Variants in UNC13C observed in about 807,000 individuals in gnomAD.
UNC13C encodes the protein protein unc-13 homolog C.
In UNC13C, 174 loss-of-function variants were observed where a neutral mutation model predicts 245.4. The observed-to-expected ratio is 0.71, with a 90% confidence interval of 0.63 to 0.80. UNC13C has a LOEUF of 0.80. UNC13C is among the 30% of genes least tolerant of loss of function. The pLI is 0.00. For synonymous variants in UNC13C, 992 were observed against 895.1 expected, an observed-to-expected ratio of 1.11 and a Z score of -1.93; for missense variants, 2,829 against 2,602.9, an observed-to-expected ratio of 1.09 and a Z score of -1.89.
At position 54,338,410 on chromosome 15, in the gene UNC13C, G is replaced by C; in HGVS notation, c.4634G>C (p.Cys1545Ser). The change falls in exon 17 of 33, where the codon TGT (cysteine) becomes TCT (serine). Residue 1545 changes from cysteine to serine, a missense_variant. By Grantham distance (112) the Cys-to-Ser change is moderately radical. Coordinates refer to ENST00000260323, the MANE Select transcript of UNC13C (RefSeq NM_001080534.3). Reference protein sequence around the residue: ...PPKASMVVKDCVRACLDSTYK... With the variant: ...PPKASMVVKDSVRACLDSTYK... ...AAAGCGAGCATGGTGGTGAAGGACT[G>C]TGTAAGGGCTTGCCTGGATTCTACA... The C allele has an allele frequency of 3.1e-6, 5 of 1,613,862 alleles. No homozygotes were observed. The highest frequency in any genetic ancestry group is 4.2e-6 in the Non-Finnish European group (5 of 1,179,810).
At chr15:54,336,126 T>TTTC (rs2038568257) in intron 16 of UNC13C, among the ~76,000 whole-genome samples, 1 of 152,120 alleles carries the variant, frequency 6.6e-6, no homozygotes, top group Non-Finnish European at 1.5e-5. Flanking sequence ...ATTAGCTGGT[T>TTTC]TTCTTACTGT....
intron 8 of UNC13C, among the ~76,000 whole-genome samples, chr15:54,261,522 GTTTGTTTTGTTTTGTTTTGT>G (rs10582681): frequency 2.0e-5 from 3 of 150,566 alleles, no homozygotes; most frequent in African/African-American, 4.9e-5. Context: ...ATTTTTGTTT[GTTTGTTTTGTTTTGTTTTGT>G]TTTGTTTTGT....
At chr15:54,156,659 G>A (rs1050670657) in intron 4 of UNC13C, among the ~76,000 whole-genome samples, 14 of 152,014 alleles carry the variant, frequency 9.2e-5, no homozygotes, top group Admixed American at 4.6e-4. Context: ...CTAGAGCTGA[G>A]ACTCAGATTT....
At chr15:54,332,912 T>G (rs955701367) in intron 15 of UNC13C, among the ~76,000 whole-genome samples, 1 of 152,006 alleles carries the variant, frequency 6.6e-6, no homozygotes, top group Admixed American at 6.6e-5. Flanking sequence ...ATACCAAATT[T>G]AATTTGGTAT....
chr15:54,073,360 A>G (rs982705976), intron 2 of UNC13C, among the ~76,000 whole-genome samples: 2 of 152,262 alleles, frequency 1.3e-5, no homozygotes, highest in East Asian at 1.9e-4. Flanking sequence ...ATGTGTCTTT[A>G]TAGTTGAATG....
At chr15:54,239,892 T>A (rs1221452971) in intron 7 of UNC13C, among the ~76,000 whole-genome samples, 1 of 152,266 alleles carries the variant, frequency 6.6e-6, no homozygotes, top group Non-Finnish European at 1.5e-5. Flanking sequence ...AGTCTTCTTT[T>A]GAGTAAATAA....
At chr15:54,208,232 T>A (rs1477921055) in intron 4 of UNC13C, among the ~76,000 whole-genome samples, 2 of 152,044 alleles carry the variant, frequency 1.3e-5, no homozygotes, top group African/African-American at 4.8e-5. Context: ...ACCAAGGGGA[T>A]GGTGCATTCA....
At chr15:54,161,912 C>T (rs1002563077) in intron 4 of UNC13C, among the ~76,000 whole-genome samples, 8 of 151,932 alleles carry the variant, frequency 5.3e-5, no homozygotes, top group Non-Finnish European at 8.8e-5. Flanking sequence ...TGCGCCACTG[C>T]ACCCCAGTCT....
intron 20 of UNC13C, among the ~76,000 whole-genome samples, chr15:54,496,105 G>A (rs1489705664): frequency 6.6e-6 from 1 of 151,958 alleles, no homozygotes; most frequent in Non-Finnish European, 1.5e-5. Flanking sequence ...GTGAAGTAAT[G>A]CATTTGTTAA....
intron 4 of UNC13C, among the ~76,000 whole-genome samples, chr15:54,223,406 A>G (rs10851561): frequency 0.047 from 7,092 of 152,066 alleles, 323 homozygotes; most frequent in East Asian, 0.23. Flanking sequence ...CACTGTTGAT[A>G]TATGGATTTG....
At chr15:53,942,084 A>G in the UNC13C span, among the ~76,000 whole-genome samples, 5 of 152,340 alleles carry the variant, frequency 3.3e-5, no homozygotes, top group East Asian at 5.8e-4. Context: ...AAATTATTCT[A>G]TTATAAAGAT....
At chr15:54,568,441 A>G (rs1897610605) in intron 30 of UNC13C, among the ~76,000 whole-genome samples, 1 of 152,190 alleles carries the variant, frequency 6.6e-6, no homozygotes, top group African/African-American at 2.4e-5. Flanking sequence ...TCTTTGAAAC[A>G]GGCCAAGAGG....
At chr15:54,006,063 C>T (rs1423820969) in intron 1 of UNC13C, among the ~76,000 whole-genome samples, 2 of 152,168 alleles carry the variant, frequency 1.3e-5, no homozygotes, top group Non-Finnish European at 2.9e-5. Flanking sequence ...TGGGCAACTA[C>T]TTCAGCATCT....
intron 4 of UNC13C, among the ~76,000 whole-genome samples, chr15:54,220,608 T>TA (rs71132788): frequency 6.6e-6 from 1 of 151,030 alleles, no homozygotes; most frequent in Non-Finnish European, 1.5e-5. Context: ...ATAATAAAAA[T>TA]AAAAAAAATT....
chr15:54,024,027 G>A (rs928879944), intron 2 of UNC13C, among the ~76,000 whole-genome samples: 5 of 152,158 alleles, frequency 3.3e-5, no homozygotes, highest in African/African-American at 1.2e-4. Context: ...TCTGAACTCT[G>A]GTGTAAGATA....
rs374413387 is a variant in UNC13C at position 54,014,690 on chromosome 15, C to A, written c.1787C>A (p.Thr596Asn). The A allele has an allele frequency of 5.0e-5, 80 of 1,613,620 alleles. No individual in the cohort carries two copies. Among genetic ancestry groups the A allele is most frequent in the Non-Finnish European group, 6.8e-5 (80 of 1,179,842 alleles). The change falls in exon 2 of 33, where the codon ACC becomes AAC. Residue 596 changes from threonine to asparagine, a missense_variant. Coordinates refer to ENST00000260323, the MANE Select transcript of UNC13C (RefSeq NM_001080534.3). ...LWQRKQEGTA[T>N]LYDSPKDQHL... ...CAGAGGAAACAGGAAGGAACAGCGA[C>A]CCTGTATGACAGTCCCAAGGACCAG...
At chr15:54,022,484 T>A (rs1192376368) in intron 2 of UNC13C, among the ~76,000 whole-genome samples, 1 of 152,114 alleles carries the variant, frequency 6.6e-6, no homozygotes, top group Non-Finnish European at 1.5e-5. Context: ...TCTTTGTGGT[T>A]TTAATTTGCA....
chr15:54,566,369 G>C (rs1368877667), intron 29 of UNC13C, among the ~76,000 whole-genome samples: 1 of 152,054 alleles, frequency 6.6e-6, no homozygotes, highest in African/African-American at 2.4e-5. Context: ...TTCTTCATGT[G>C]AAAATGTTTT....
At chr15:54,130,216 T>C (rs1200569710) in intron 2 of UNC13C, among the ~76,000 whole-genome samples, 1 of 151,946 alleles carries the variant, frequency 6.6e-6, no homozygotes, top group Admixed American at 6.5e-5. Context: ...ATTGTTGATT[T>C]CTTATTTGAT....
Sources: gnomAD v4.1 joint callset for allele counts (sites outside exome capture counted in the v4.1 genomes callset) on GRCh38, gnomAD v4.1.1 for gene constraint, MANE v1.5 for transcripts, NCBI Gene and HGNC (gene_info 2026-07-23, HGNC 2026-07-21) for gene names.